Variants in OLFM1 observed in about 807,000 individuals in gnomAD.
The protein encoded by OLFM1 is noelin.
Under a neutral mutation model 49.7 loss-of-function variants are expected in OLFM1, and 9 were observed. That is an observed-to-expected ratio of 0.18 (90% CI 0.11 to 0.32). The LOEUF (loss-of-function observed/expected upper bound fraction) is 0.32. Among genes scored for constraint, OLFM1 ranks in the 10% least tolerant of loss-of-function variants. OLFM1 has a pLI of 1.00. For synonymous variants in OLFM1, 240 were observed against 271.8 expected (o/e 0.88, Z 1.15); for missense variants, 369 against 661.8 (o/e 0.56, Z 4.85).
chr9:135,090,168 CT>C (rs1201353998), intron 1 of OLFM1, 26 bp from the exon 2 acceptor site: 7 of 1,588,226 alleles, frequency 4.4e-6, no homozygotes. Context: ...CTCCTTCCCT[CT>C]CCCTTCCCGC....
chr9:135,095,719 G>T (rs1041038390), intron 2 of OLFM1, 145 bp from the exon 3 acceptor site: 2 of 806,654 alleles, frequency 2.5e-6, no homozygotes, highest in African/African-American at 3.4e-5. Flanking sequence ...CGATGCTGGC[G>T]ATTACCTTGT....
Position 135,120,615 on chromosome 9 carries a change from A to T in OLFM1, c.*437A>T, listed in dbSNP as rs1831173963. 2 of 197,622 alleles carry T rather than the reference A, an allele frequency of 1.0e-5. No homozygotes were observed. Among genetic ancestry groups the T allele is most frequent in the Admixed American group, 1.1e-4 (2 of 18,750 alleles). The allele number at this position is 197,622 out of a possible 1,614,324, so 12.2% of individuals were successfully genotyped here. A position where few individuals can be genotyped will look rare whatever the true frequency, so the allele number is the denominator to read the frequency against. The stretch of plus-strand genomic sequence containing the variant: ...GCTGCACCCGGCCGTAGGCTAGTGT[A>T]ACTCGCATCCCATTGCAGTGCCGTT... On this transcript the variant is annotated 3_prime_UTR_variant, in exon 6 of 6. Coordinates refer to ENST00000371793, the MANE Select transcript of OLFM1 (RefSeq NM_001282611.2).
chr9:135,103,054 T>A (rs1382906171), intron 4 of OLFM1, among the ~76,000 whole-genome samples: 1 of 152,206 alleles, frequency 6.6e-6, no homozygotes, highest in Non-Finnish European at 1.5e-5. Flanking sequence ...TCTGAGCCCG[T>A]CTGGGGCCGT....
At chr9:135,103,924 C>G (rs1001537308) in intron 4 of OLFM1, among the ~76,000 whole-genome samples, 1 of 152,214 alleles carries the variant, frequency 6.6e-6, no homozygotes, top group East Asian at 1.9e-4. Flanking sequence ...GGAAGAGGGT[C>G]ACCCTCCCTC....
rs1364671564 is a variant in OLFM1 at position 135,117,324 on chromosome 9, G to T, written c.784-2180G>T. Among the ~76,000 whole-genome samples, 1 of 152,186 alleles carries T rather than the reference G, an allele frequency of 6.6e-6. No individual in the cohort carries two copies. The highest frequency in any genetic ancestry group is 1.9e-4 in the East Asian group (1 of 5,196). Reference sequence around the variant, plus strand: ...CAAAGCCCATATTCTTCTCGGAGAGGCACTTTTGCTGGATTAGGGGTGACA... The same window carrying T: ...CAAAGCCCATATTCTTCTCGGAGAGTCACTTTTGCTGGATTAGGGGTGACA... On this transcript the variant is annotated intron_variant, in intron 5 of 5. Transcript: ENST00000371793. This position sits in a 1 kb window ranked among gnomAD's most constrained non-coding sequence, Gnocchi z 5.5.
intron 4 of OLFM1, among the ~76,000 whole-genome samples, chr9:135,105,391 C>T (rs1349358544): frequency 1.3e-5 from 2 of 152,224 alleles, no homozygotes; most frequent in Non-Finnish European, 2.9e-5. Flanking sequence ...CCCGGATGCA[C>T]GCTCTCCCAC....
chr9:135,103,101 C>G (rs948963445), intron 4 of OLFM1, among the ~76,000 whole-genome samples: 1 of 152,200 alleles, frequency 6.6e-6, no homozygotes, highest in Non-Finnish European at 1.5e-5. Flanking sequence ...GCATGCTGGC[C>G]CTCCAAGCCC....
In OLFM1 at chr9:135,119,604, C is replaced by A. The variant is rs755649319; in HGVS notation, c.884C>A (p.Pro295His). The A allele has an allele frequency of 6.2e-7, 1 of 1,614,184 alleles. No homozygotes were observed. The change falls in exon 6 of 6, where the codon CCC becomes CAC. Residue 295 changes from proline to histidine, a missense_variant. Pro to His is a moderately conservative substitution (Grantham distance 77). Around this residue, in one of 3 missense-constraint regions of OLFM1, gnomAD observed 294 missense variants for 567.5 expected, o/e 0.52. Transcript: ENST00000371793. ...GACAATTTCACCTCCCACCGTCTCC[C>A]CCACCCCTGGTCGGGCACGGGGCAG... Reference protein sequence around the residue: ...NTDNFTSHRLPHPWSGTGQVV... With the variant: ...NTDNFTSHRLHHPWSGTGQVV...
At chr9:135,096,074 T>TCTC in intron 3 of OLFM1, 55 bp downstream of exon 3, 1 of 1,520,392 alleles carries the variant, frequency 6.6e-7, no homozygotes, top group African/African-American at 1.5e-5. Flanking sequence ...CTCCTCTTCC[T>TCTC]CCTCCTTCCC....
At chr9:135,118,864 G>A (rs1831141089) in intron 5 of OLFM1, among the ~76,000 whole-genome samples, 1 of 147,458 alleles carries the variant, frequency 6.8e-6, no homozygotes, top group Non-Finnish European at 1.5e-5. Flanking sequence ...GGTCTTTGGA[G>A]TGCTCACTGT....
upstream of OLFM1, chr9:135,087,627 C>T: frequency 6.3e-6 from 4 of 636,720 alleles, no homozygotes; most frequent in Non-Finnish European, 8.9e-6. Context: ...CCGAGCCCCG[C>T]CTCCCGGCCG....
chr9:135,108,631 T>A (rs533556782), intron 5 of OLFM1, among the ~76,000 whole-genome samples: 2 of 147,744 alleles, frequency 1.4e-5, no homozygotes, highest in Non-Finnish European at 3.0e-5. Flanking sequence ...AGGCTCTGTC[T>A]CAAAAAAAAA....
chr9:135,119,498 C>T lies in OLFM1; in HGVS notation c.784-6C>T, dbSNP rs201513475. On this transcript the variant is annotated splice_region_variant and splice_polypyrimidine_tract_variant and intron_variant, in intron 5 of 5. Transcript: ENST00000371793. ...GTGCTCACCACCGGGTCTGCTCTCT[C>T]CACAGGTGTGGTACATGGACGGCTA... 48 of 1,594,650 alleles carry T rather than the reference C, an allele frequency of 3.0e-5. No individual in the cohort carries two copies. Among genetic ancestry groups the T allele is most frequent in the African/African-American group, 2.7e-5 (2 of 74,740 alleles).
At chr9:135,103,051 C>A (rs996548770) in intron 4 of OLFM1, among the ~76,000 whole-genome samples, 1 of 152,220 alleles carries the variant, frequency 6.6e-6, no homozygotes, top group Non-Finnish European at 1.5e-5. Context: ...CCCTCTGAGC[C>A]CGTCTGGGGC....
intron 1 of OLFM1, among the ~76,000 whole-genome samples, chr9:135,078,133 C>T (rs1420516746): frequency 6.6e-6 from 1 of 152,172 alleles, no homozygotes; most frequent in Non-Finnish European, 1.5e-5. Context: ...TTATGCGTTG[C>T]GGGTTCCCTG....
At chr9:135,090,375 T>TGTGA (rs2119102528) in intron 2 of OLFM1, 31 bp downstream of exon 2, 3 of 1,410,024 alleles carry the variant, frequency 2.1e-6, no homozygotes, top group Non-Finnish European at 2.8e-6. Flanking sequence ...TGAGTTTGTA[T>TGTGA]GTGTGTGTGT....
At chr9:135,076,538 T>C in intron 1 of OLFM1, 1 of 1,196,972 alleles carries the variant, frequency 8.4e-7, no homozygotes, top group Non-Finnish European at 1.1e-6. Context: ...TGGCAGGTCT[T>C]GGGGGAGGAG....
chr9:135,086,366 G>C (rs915659922), upstream of OLFM1, among the ~76,000 whole-genome samples: 1 of 152,214 alleles, frequency 6.6e-6, no homozygotes. Context: ...CCAGCACTCA[G>C]GCCAGGATCA....
intron 5 of OLFM1, among the ~76,000 whole-genome samples, chr9:135,110,103 C>G (rs1264604731): frequency 6.6e-6 from 1 of 152,220 alleles, no homozygotes; most frequent in Admixed American, 6.5e-5. Context: ...CCTTCCCGCC[C>G]GTCCCATTGC....
Sources: gnomAD v4.1 joint callset for allele counts (sites outside exome capture counted in the v4.1 genomes callset) on GRCh38, gnomAD v4.1.1 for gene constraint, gnomAD v4.1.1 regional missense constraint, Gnocchi (gnomAD v3.1) non-coding constraint, MANE v1.5 for transcripts, NCBI Gene and HGNC (gene_info 2026-07-23, HGNC 2026-07-21) for gene names.